ILDR2: variants seen among roughly 807,000 people sequenced by gnomAD.
The protein encoded by ILDR2 is immunoglobulin-like domain-containing receptor 2.
ILDR2 carries 25 observed loss-of-function variants against 66.8 expected under a neutral mutation model. The observed-to-expected ratio is 0.37, with a 90% CI of 0.27 to 0.52. The LOEUF is 0.52. Ranked by LOEUF, ILDR2 falls within the 20% of genes least tolerant of loss-of-function variation. The pLI is 0.88. For missense variants in ILDR2, 827 were observed against 876.8 expected (o/e 0.94, Z 0.72); for synonymous variants, 367 against 357.2 (o/e 1.03, Z -0.31).
intron 5 of ILDR2, among the ~76,000 whole-genome samples, chr1:166,935,709 C>A (rs1020934537): frequency 6.6e-6 from 1 of 152,180 alleles, no homozygotes; most frequent in Admixed American, 6.5e-5. Flanking sequence ...ATGTTTAGTA[C>A]CTGGCAACTA....
chr1:166,900,266 GCCAT>G (rs1659237555), intron 2 of ILDR2, among the ~76,000 whole-genome samples: 1 of 143,830 alleles, frequency 7.0e-6, no homozygotes. Context: ...TCTCTCTATT[GCCAT>G]CTTTCATGCC....
chr1:166,969,543 C>A (rs991206536), intron 1 of ILDR2, among the ~76,000 whole-genome samples: 1 of 152,230 alleles, frequency 6.6e-6, no homozygotes, highest in Non-Finnish European at 1.5e-5. Context: ...TCTGCTCTGT[C>A]ACTGGGGCAC....
intron 1 of ILDR2, among the ~76,000 whole-genome samples, chr1:166,967,308 GGA>G (rs1323473074): frequency 6.6e-6 from 1 of 152,182 alleles, no homozygotes; most frequent in African/African-American, 2.4e-5. Context: ...GACTCTTACA[GGA>G]GAGAGAAATA....
chr1:166,906,703 T>G (rs1018731266), downstream of ILDR2, among the ~76,000 whole-genome samples: 1 of 152,202 alleles, frequency 6.6e-6, no homozygotes, highest in Non-Finnish European at 1.5e-5. Context: ...AAAGTCAGAC[T>G]TCAGTCTTGC....
Position 166,928,226 on chromosome 1 carries a change from T to C in ILDR2, c.881-1046A>G, listed in dbSNP as rs372780139. Among the ~76,000 whole-genome samples, 16 of 152,338 alleles carry C rather than the reference T, an allele frequency of 1.1e-4. No individual in the cohort carries two copies. The East Asian group carries it at 1.9e-3, about 18-fold the overall frequency. On this transcript the variant is annotated intron_variant, in intron 6 of 9. Transcript: ENST00000271417. The stretch of plus-strand genomic sequence containing the variant: ...CTCAGAACCACCTAAAACAGTACTG[T>C]TATCAGCCACATTTTATGTTTGAGA...
At chr1:166,937,115 T>C (rs1425800394) in intron 4 of ILDR2, among the ~76,000 whole-genome samples, 1 of 152,210 alleles carries the variant, frequency 6.6e-6, no homozygotes, top group Non-Finnish European at 1.5e-5. Flanking sequence ...GAACCTTGTC[T>C]GCTGGGCTAC....
chr1:166,964,182 C>T (rs952885899), intron 1 of ILDR2, among the ~76,000 whole-genome samples: 1 of 151,328 alleles, frequency 6.6e-6, no homozygotes, highest in African/African-American at 2.4e-5. Context: ...AAAAGAAGCA[C>T]TAGAATTGAA....
At chr1:166,967,807 T>C (rs1663050744) in intron 1 of ILDR2, among the ~76,000 whole-genome samples, 1 of 152,170 alleles carries the variant, frequency 6.6e-6, no homozygotes, top group Admixed American at 6.5e-5. Flanking sequence ...TTCATGTTGA[T>C]GAATGGCATC....
Position 166,910,651 on chromosome 1 carries a change from C to T in ILDR2, c.*8704G>A, listed in dbSNP as rs1659453604. The T allele has an allele frequency of 6.6e-6, 1 of 152,154 alleles. No homozygotes were observed. Among genetic ancestry groups the T allele is most frequent in the African/African-American group, 2.4e-5 (1 of 41,432 alleles). 9.4% of individuals were successfully genotyped at this position (152,154 alleles called of 1,614,324 possible). On this transcript the variant is annotated 3_prime_UTR_variant, in exon 10 of 10. Transcript: ENST00000271417. ...GCCATTTTTGGTGAGTCATCTTAGG[C>T]CACCTGATAAGTATTCAGGAAATGC...
At chr1:166,933,308 G>C (rs1660747954) in intron 6 of ILDR2, among the ~76,000 whole-genome samples, 1 of 152,210 alleles carries the variant, frequency 6.6e-6, no homozygotes, top group Non-Finnish European at 1.5e-5. Context: ...ACAAGGAAGA[G>C]AATACCACTT....
intron 3 of ILDR2, among the ~76,000 whole-genome samples, chr1:166,955,545 A>G (rs1662227029): frequency 1.3e-5 from 2 of 152,164 alleles, no homozygotes; most frequent in South Asian, 2.1e-4. Flanking sequence ...AGAGGTTGCA[A>G]TGAGCTGAGA....
intron 2 of ILDR2, among the ~76,000 whole-genome samples, chr1:166,899,561 G>T (rs570184487): frequency 6.6e-6 from 1 of 152,290 alleles, no homozygotes; most frequent in South Asian, 2.1e-4. Context: ...AAGCTGACAG[G>T]AGTTAGCAGA....
rs1659465373 is a variant in ILDR2 at position 166,911,210 on chromosome 1, T to G, written c.*8145A>C. 1 of 152,244 alleles carries G rather than the reference T, an allele frequency of 6.6e-6. No homozygotes were observed. Among genetic ancestry groups the G allele is most frequent in the African/African-American group, 2.4e-5 (1 of 41,462 alleles). The allele number at this position is 152,244 out of a possible 1,614,324, so 9.4% of individuals were successfully genotyped here. On this transcript the variant is annotated 3_prime_UTR_variant, in exon 10 of 10. Transcript: ENST00000271417. ...TTATATTATCAAACTCTAAAGAATATGTAAAGTTAAAGCCTCTTGCCCTCC... is the reference window on the plus strand; with the variant it reads ...TTATATTATCAAACTCTAAAGAATAGGTAAAGTTAAAGCCTCTTGCCCTCC...
chr1:166,896,363 A>C (rs1259456401), intron 2 of ILDR2, among the ~76,000 whole-genome samples: 1 of 152,082 alleles, frequency 6.6e-6, no homozygotes, highest in African/African-American at 2.4e-5. Flanking sequence ...ATACAGGTGG[A>C]CAGGAGTCAG....
At chr1:166,956,343 C>G (rs1367749807) in intron 3 of ILDR2, among the ~76,000 whole-genome samples, 1 of 152,168 alleles carries the variant, frequency 6.6e-6, no homozygotes, top group African/African-American at 2.4e-5. Context: ...TCCAGAGGTT[C>G]TGACACATCA....
chr1:166,904,714 T>C (rs1659312946), downstream of ILDR2, among the ~76,000 whole-genome samples: 1 of 152,174 alleles, frequency 6.6e-6, no homozygotes, highest in East Asian at 1.9e-4. Flanking sequence ...TGTACATAAA[T>C]ACACTGTGGA....
At chr1:166,938,243 T>C (rs1434882588) in intron 4 of ILDR2, among the ~76,000 whole-genome samples, 1 of 152,220 alleles carries the variant, frequency 6.6e-6, no homozygotes. Context: ...TAGGTTTAGA[T>C]GAGCTGTATG....
At chr1:166,899,785 G>C (rs1400995034) in intron 2 of ILDR2, among the ~76,000 whole-genome samples, 1 of 152,098 alleles carries the variant, frequency 6.6e-6, no homozygotes, top group African/African-American at 2.4e-5. Flanking sequence ...GTACTTATGT[G>C]AATATCTACA....
chr1:166,939,487 C>A (rs1397354065), intron 4 of ILDR2, 27 bp downstream of exon 4: 1 of 1,597,966 alleles, frequency 6.3e-7, no homozygotes, highest in African/African-American at 1.3e-5. Context: ...GCAAATCAAG[C>A]AAATAAAGAG....
Sources: allele counts gnomAD v4.1 joint callset (sites outside exome capture counted in the v4.1 genomes callset), GRCh38; gene constraint gnomAD v4.1.1; transcripts MANE v1.5; gene names NCBI Gene and HGNC (gene_info 2026-07-23, HGNC 2026-07-21).